Variants in ATM observed in about 807,000 individuals in gnomAD.
ATM encodes the protein serine-protein kinase ATM.
Under a neutral mutation model 387.0 loss-of-function variants are expected in ATM, and 308 were observed. The observed-to-expected ratio is 0.80, with a 90% CI of 0.73 to 0.87. The LOEUF (loss-of-function observed/expected upper bound fraction) is 0.87. ATM is among the 40% of genes least tolerant of loss of function. The pLI, the probability that ATM is intolerant of heterozygous loss-of-function variation, is 0.00. For synonymous variants in ATM, 1,156 were observed against 1,187.3 expected, an observed-to-expected ratio of 0.97 and a Z score of 0.54; for missense variants, 3,312 against 3,560.9, an observed-to-expected ratio of 0.93 and a Z score of 1.78.
At chr11:108,343,099 G>A in intron 56 of ATM, 123 bp from the exon 57 acceptor site, 2 of 1,239,706 alleles carry the variant, frequency 1.6e-6, no homozygotes, top group Non-Finnish European at 1.2e-6. Flanking sequence ...TGTCTTCTAT[G>A]GACAGAGAAA....
chr11:108,321,272 T>C, intron 44 of ATM, 29 bp from the exon 45 acceptor site: 1 of 1,613,654 alleles, frequency 6.2e-7, no homozygotes, highest in Non-Finnish European at 8.5e-7. Flanking sequence ...TTCTTTATTT[T>C]CAGAGTGTCT....
At chr11:108,325,932 A>C in intron 46 of ATM, 126 bp from the exon 47 acceptor site, 1 of 1,192,852 alleles carries the variant, frequency 8.4e-7, no homozygotes, top group Non-Finnish European at 1.2e-6. Flanking sequence ...AGAGGTCCTT[A>C]AGATAGTCCC....
chr11:108,284,240 G>GT lies in ATM; in HGVS notation c.3764dup (p.Leu1255PhefsTer8), dbSNP rs1555093303. 3 of 1,609,100 alleles carry GT rather than the reference G, an allele frequency of 1.9e-6. No individual in the cohort carries two copies. Among genetic ancestry groups the GT allele is most frequent in the Non-Finnish European group, 2.6e-6 (3 of 1,175,990 alleles). On this transcript the variant is annotated frameshift_variant, in exon 26 of 63. Coordinates refer to ENST00000675843, the MANE Select transcript of ATM (RefSeq NM_000051.4). LOFTEE classifies it high-confidence loss of function. ...TTCTATTTTTAGATCTTGTTATAAG[G>GT]TTTTGATTCCACATCTGGTGATTAG...
intron 5 of ATM, among the ~76,000 whole-genome samples, chr11:108,237,899 G>GTTTTTTTT (rs369161623): frequency 1.4e-3 from 133 of 91,958 alleles, no homozygotes; most frequent in Non-Finnish European, 1.8e-3. Flanking sequence ...ATTTACTTAG[G>GTTTTTTTT]TTTTTTTTTT....
chr11:108,225,113 G>A (rs890741064), intron 1 of ATM: 1 of 152,164 alleles, frequency 6.6e-6, no homozygotes, highest in African/African-American at 2.4e-5. Context: ...AGTATATTTA[G>A]GAATAAAGGT....
In ATM at chr11:108,329,120, C is replaced by G. The variant is rs747372355; in HGVS notation, c.7189C>G (p.Gln2397Glu). 2.5e-6 allele frequency: 4 copies of G among 1,613,988 alleles called. No individual in the cohort carries two copies. Among genetic ancestry groups the G allele is most frequent in the Non-Finnish European group, 3.4e-6 (4 of 1,179,954 alleles). ...FLSLARFSDT[Q>E]YQRIENYMKS... ...CTCATTAGCCCGGTTTTCAGATACT[C>G]AATACCAAAGAATTGAAAACTACAT... is the stretch of plus-strand genomic sequence containing the variant. Residue 2397 changes from glutamine (Q) to glutamate (E), a missense_variant, in exon 49 of 63, where the codon CAA (glutamine) becomes GAA (glutamate). By Grantham distance (29) the Gln-to-Glu change is conservative. Transcript: ENST00000675843.
chr11:108,245,338 CTG>C (rs1202688718), intron 7 of ATM, among the ~76,000 whole-genome samples: 1 of 152,154 alleles, frequency 6.6e-6, no homozygotes, highest in African/African-American at 2.4e-5. Flanking sequence ...CTGACACAGA[CTG>C]TAGGGCAAAA....
intron 25 of ATM, 148 bp from the exon 26 acceptor site, chr11:108,284,079 A>T: frequency 1.6e-6 from 1 of 623,956 alleles, no homozygotes; most frequent in Non-Finnish European, 2.6e-6. Flanking sequence ...TAATTTTTCC[A>T]TTTATAAAAT....
Position 108,290,826 on chromosome 11 carries a change from T to TAAAAA in ATM, c.4436+1037_4436+1041dup, listed in dbSNP as rs202152959. 4.8e-5 allele frequency among the ~76,000 whole-genome samples: 6 copies of TAAAAA among 124,858 alleles called. No individual in the cohort carries two copies. In the East Asian group the frequency reaches 1.4e-3, roughly 28 times the overall value. The allele number at this position is 124,858 out of a possible 152,430, so 81.9% of individuals were successfully genotyped here. A position where few individuals can be genotyped will look rare whatever the true frequency, so the allele number is the denominator to read the frequency against. ...CAACAGAGTGAGACTTTCACTCAAT[T>TAAAAA]AAAAAAAAAAAAAAAAGCACTACTT... On this transcript the variant is annotated intron_variant, in intron 29 of 62. Coordinates refer to ENST00000675843, the MANE Select transcript of ATM (RefSeq NM_000051.4).
intron 13 of ATM, among the ~76,000 whole-genome samples, chr11:108,255,223 T>C (rs894837803): frequency 6.6e-6 from 1 of 152,094 alleles, no homozygotes; most frequent in Non-Finnish European, 1.5e-5. Context: ...CTTGAGGACA[T>C]GAGAGGGGAC....
intron 22 of ATM, among the ~76,000 whole-genome samples, chr11:108,275,309 T>C (rs1227672305): frequency 1.3e-5 from 2 of 152,224 alleles, no homozygotes; most frequent in Admixed American, 1.3e-4. Flanking sequence ...CTTGACTCTT[T>C]ATCCAATTTG....
chr11:108,303,130 C>A, intron 36 of ATM, 101 bp downstream of exon 36: 1 of 1,182,598 alleles, frequency 8.5e-7, no homozygotes, highest in Non-Finnish European at 1.2e-6. Context: ...ATCACCCCCA[C>A]TCAAACTGTT....
chr11:108,231,138 A>G (rs2078993177), intron 4 of ATM, among the ~76,000 whole-genome samples: 1 of 152,180 alleles, frequency 6.6e-6, no homozygotes, highest in Non-Finnish European at 1.5e-5. Context: ...CTTAACTGAC[A>G]TTTTACTTGC....
Position 108,321,369 on chromosome 11 carries a change from G to A in ATM, c.6521G>A (p.Ser2174Asn), listed in dbSNP as rs1470293148. 6.2e-7 allele frequency: 1 copy of A among 1,614,158 alleles called. No homozygotes were observed. Among genetic ancestry groups the A allele is most frequent in the South Asian group, 1.1e-5 (1 of 91,072 alleles). The change falls in exon 45 of 63, where the codon AGC becomes AAC. Residue 2174 changes from serine (S) to asparagine (N), a missense_variant. By Grantham distance (46) the Ser-to-Asn change is conservative. Coordinates refer to ENST00000675843, the MANE Select transcript of ATM (RefSeq NM_000051.4). ...GTGTATTCGCTCTATCCCACACTTAGCAGGTTGCAGGCCATTGGAGAGCTG... is the reference window on the plus strand; with the variant it reads ...GTGTATTCGCTCTATCCCACACTTAACAGGTTGCAGGCCATTGGAGAGCTG... Reference protein sequence around the residue: ...ESVYSLYPTLSRLQAIGELES... With the variant: ...ESVYSLYPTLNRLQAIGELES...
At chr11:108,295,704 T>C (rs1774851136) in intron 32 of ATM, 1 of 153,204 alleles carries the variant, frequency 6.5e-6, no homozygotes, top group South Asian at 2.1e-4. Flanking sequence ...TTGCCCAGGC[T>C]GGAATGCAGT....
rs1591192322 is a variant in ATM at position 108,335,091 on chromosome 11, G to A, written c.8133G>A (p.Glu2711=). The stretch of plus-strand genomic sequence containing the variant: ...ATTGTGTAGGTTCCGATGGCAAGGA[G>A]AGGAGACAGCTTGTTAAGGTGAGCC... ...IIDCVGSDGK[E]RRQLVKGRDD... The change falls in exon 55 of 63, where the codon GAG becomes GAA. Residue 2711 remains glutamate (E), a synonymous_variant. Transcript: ENST00000675843. 1.9e-6 allele frequency: 3 copies of A among 1,614,080 alleles called. No individual in the cohort carries two copies. The highest frequency in any genetic ancestry group is 2.5e-6 in the Non-Finnish European group (3 of 1,179,982).
chr11:108,321,520 T>C (rs1033590925), intron 45 of ATM, 100 bp downstream of exon 45: 59 of 1,545,118 alleles, frequency 3.8e-5, no homozygotes, highest in Non-Finnish European at 5.2e-5. Flanking sequence ...CGGTGGCTCA[T>C]GCCTGTAATC....
At chr11:108,346,017 G>A (rs1317533578) in intron 58 of ATM, 109 bp downstream of exon 58, 1 of 1,313,930 alleles carries the variant, frequency 7.6e-7, no homozygotes, top group Non-Finnish European at 1.1e-6. Context: ...GGATGATAGT[G>A]ATGATGTGGT....
chr11:108,307,072 T>C (rs937301641), intron 37 of ATM, among the ~76,000 whole-genome samples: 1 of 152,206 alleles, frequency 6.6e-6, no homozygotes. Flanking sequence ...TTATTATTAT[T>C]GCCTGTAGCA....
Sources: gnomAD v4.1 joint callset for allele counts (sites outside exome capture counted in the v4.1 genomes callset) on GRCh38, gnomAD v4.1.1 for gene constraint, MANE v1.5 for transcripts, NCBI Gene and HGNC (gene_info 2026-07-23, HGNC 2026-07-21) for gene names.